PTX3: variants seen among roughly 807,000 people sequenced by gnomAD.
The protein encoded by PTX3 is pentraxin 3, also known as pentraxin-related protein PTX3.
Under a neutral mutation model 23.5 loss-of-function variants are expected in PTX3, and 24 were observed. That is an observed-to-expected ratio of 1.02 (90% CI 0.74 to 1.43). The LOEUF (loss-of-function observed/expected upper bound fraction) is 1.43. PTX3 is among the 40% of genes most tolerant of loss of function. The pLI is 0.00. For synonymous variants in PTX3, 218 were observed against 205.4 expected (o/e 1.06, Z -0.53); for missense variants, 510 against 497.5 (o/e 1.02, Z -0.24).
At chr3:157,437,203 G>A in intron 1 of PTX3, 140 bp downstream of exon 1, 1 of 1,189,902 alleles carries the variant, frequency 8.4e-7, no homozygotes, top group East Asian at 2.3e-5. Flanking sequence ...AGCACTTGAA[G>A]AAAGATGGAG....
chr3:157,441,441 T>G (rs1425714586), intron 2 of PTX3, among the ~76,000 whole-genome samples: 1 of 152,208 alleles, frequency 6.6e-6, no homozygotes. Flanking sequence ...TTATTATACA[T>G]TGTTGCCTTT....
chr3:157,438,035 GCGCACACACACACACACA>G (rs1733797579), intron 2 of PTX3, 121 bp downstream of exon 2: 2 of 701,928 alleles, frequency 2.8e-6, no homozygotes, highest in African/African-American at 5.9e-5. Flanking sequence ...GCGCGCGCGC[GCGCACACACACACACACA>G]CACACACACA....
At position 157,437,766 on chromosome 3, in the gene PTX3, C is replaced by G. The variant is rs1353093486; in HGVS notation, c.384C>G (p.Gly128=). 1.1e-5 allele frequency: 17 copies of G among 1,485,834 alleles called. No individual in the cohort carries two copies. The highest frequency in any genetic ancestry group is 1.4e-5 in the Non-Finnish European group (16 of 1,128,418). 92.0% of individuals were successfully genotyped at this position (1,485,834 alleles called of 1,614,324 possible). A position where few individuals can be genotyped will look rare whatever the true frequency, so the allele number is the denominator to read the frequency against. ...DELLQATRDA[G]RRLARMEGAE... is the part of the protein sequence containing the mutation. ...TGCTGCAGGCGACCCGCGACGCGGG[C>G]CGCAGGCTGGCGCGTATGGAGGGCG... Residue 128 remains glycine (G), a synonymous_variant, in exon 2 of 3, where the codon GGC becomes GGG. Coordinates refer to ENST00000295927, the MANE Select transcript of PTX3 (RefSeq NM_002852.4).
At chr3:157,438,005 G>T in intron 2 of PTX3, 91 bp downstream of exon 2, 2 of 1,435,122 alleles carry the variant, frequency 1.4e-6, no homozygotes, top group Non-Finnish European at 1.8e-6. Context: ...CCTTCTAGGG[G>T]AAGCTTTCAT....
At chr3:157,440,238 AG>A (rs1386961945) in intron 2 of PTX3, among the ~76,000 whole-genome samples, 2 of 152,252 alleles carry the variant, frequency 1.3e-5, no homozygotes, top group Non-Finnish European at 2.9e-5. Context: ...TTAGTGAAAA[AG>A]TATCAAAGCA....
At position 157,442,928 on chromosome 3, in the gene PTX3, G is replaced by A. The variant is rs1734254424; in HGVS notation, c.1095G>A (p.Gly365=). 2 of 1,613,928 alleles carry A rather than the reference G, an allele frequency of 1.2e-6. No homozygotes were observed. Among genetic ancestry groups the A allele is most frequent in the African/African-American group, 1.3e-5 (1 of 74,920 alleles). Residue 365 remains glycine (G), a synonymous_variant, in exon 3 of 3, where the codon GGG becomes GGA. Coordinates refer to ENST00000295927, the MANE Select transcript of PTX3 (RefSeq NM_002852.4). ...GTCACATCCGGGGGAATATTGTTGGGTGGGGAGTCACAGAGATCCAGCCAC... is the reference window on the plus strand; with the variant it reads ...GTCACATCCGGGGGAATATTGTTGGATGGGGAGTCACAGAGATCCAGCCAC... ...ESCHIRGNIV[G]WGVTEIQPHG...
chr3:157,440,647 C>A (rs1158580259), intron 2 of PTX3, among the ~76,000 whole-genome samples: 1 of 151,442 alleles, frequency 6.6e-6, no homozygotes, highest in African/African-American at 2.4e-5. Context: ...CATACATATC[C>A]ATATGTATAT....
chr3:157,437,615 A>G lies in PTX3; in HGVS notation c.233A>G (p.Asp78Gly). The G allele has an allele frequency of 6.4e-7, 1 of 1,565,414 alleles. No homozygotes were observed. The highest frequency in any genetic ancestry group is 8.6e-7 in the Non-Finnish European group (1 of 1,157,554). The change falls in exon 2 of 3, where the codon GAC (aspartate) becomes GGC (glycine). Residue 78 changes from aspartate to glycine, a missense_variant. Physicochemically the swap from Asp to Gly is moderately conservative, Grantham distance 94. Coordinates refer to ENST00000295927, the MANE Select transcript of PTX3 (RefSeq NM_002852.4). ...GAGCGCATGCTGCTGCAAGCCACGG[A>G]CGACGTCCTGCGGGGCGAGCTGCAG... ...MRERMLLQAT[D>G]DVLRGELQRL...
rs1189552530 is a variant in PTX3 at position 157,437,739 on chromosome 3, G to C, written c.357G>C (p.Glu119Asp). ...AEARLTSALD[E>D]LLQATRDAGR... ...CCAGGCTGACCAGTGCTCTGGACGA[G>C]CTGCTGCAGGCGACCCGCGACGCGG... The change falls in exon 2 of 3, where the codon GAG becomes GAC. Residue 119 changes from glutamate to aspartate, a missense_variant. Glu to Asp is a conservative substitution (Grantham distance 45, BLOSUM62 2). Coordinates refer to ENST00000295927, the MANE Select transcript of PTX3 (RefSeq NM_002852.4). 6.7e-7 allele frequency: 1 copy of C among 1,497,848 alleles called. No individual in the cohort carries two copies. The highest frequency in any genetic ancestry group is 2.2e-5 in the Admixed American group (1 of 44,446). 92.8% of individuals were successfully genotyped at this position (1,497,848 alleles called of 1,614,324 possible). A position where few individuals can be genotyped will look rare whatever the true frequency, so the allele number is the denominator to read the frequency against.
At chr3:157,440,557 T>C (rs1444608075) in intron 2 of PTX3, among the ~76,000 whole-genome samples, 1 of 152,118 alleles carries the variant, frequency 6.6e-6, no homozygotes, top group East Asian at 1.9e-4. Flanking sequence ...CTAATTTAGG[T>C]GTTTTTAAAA....
intron 2 of PTX3, among the ~76,000 whole-genome samples, chr3:157,439,829 C>A (rs903211422): frequency 6.6e-6 from 1 of 152,228 alleles, no homozygotes; most frequent in Non-Finnish European, 1.5e-5. Flanking sequence ...CGGCTCACTG[C>A]AAGCTCCGCC....
rs1420599191 is a variant in PTX3 at position 157,437,625 on chromosome 3, G to T, written c.243G>T (p.Leu81=). Residue 81 remains leucine, a synonymous_variant, in exon 2 of 3, where the codon CTG becomes CTT. Coordinates refer to ENST00000295927, the MANE Select transcript of PTX3 (RefSeq NM_002852.4). ...RMLLQATDDV[L]RGELQRLREE... ...TGCTGCAAGCCACGGACGACGTCCT[G>T]CGGGGCGAGCTGCAGAGGCTGCGGG... 1.3e-6 allele frequency: 2 copies of T among 1,557,932 alleles called. No individual in the cohort carries two copies. Among genetic ancestry groups the T allele is most frequent in the Non-Finnish European group, 8.7e-7 (1 of 1,153,716 alleles).
chr3:157,438,031 GCGCGCGCACACACA>G (rs1733791440), intron 2 of PTX3, 117 bp downstream of exon 2: 2 of 820,158 alleles, frequency 2.4e-6, no homozygotes, highest in African/African-American at 2.1e-5. Context: ...GCGCGCGCGC[GCGCGCGCACACACA>G]CACACACACA....
chr3:157,443,089 A>G lies in PTX3; in HGVS notation c.*110A>G. The G allele has an allele frequency of 7.7e-7, 1 of 1,295,634 alleles. No homozygotes were observed. The highest frequency in any genetic ancestry group is 1.0e-6 in the Non-Finnish European group (1 of 952,478). 80.3% of individuals were successfully genotyped at this position (1,295,634 alleles called of 1,614,324 possible). A position where few individuals can be genotyped will look rare whatever the true frequency, so the allele number is the denominator to read the frequency against. ...ATAATAGGAACACTTGAGACTAATG[A>G]AAGAGAGAGTTGAGACCAATCTTTA... On this transcript the variant is annotated 3_prime_UTR_variant, in exon 3 of 3. Transcript: ENST00000295927.
intron 2 of PTX3, among the ~76,000 whole-genome samples, chr3:157,441,346 T>C (rs1225349448): frequency 6.6e-6 from 1 of 152,266 alleles, no homozygotes; most frequent in Non-Finnish European, 1.5e-5. Context: ...CTATCTCTTA[T>C]GGTTGGCATA....
chr3:157,437,985 A>G, intron 2 of PTX3, 71 bp downstream of exon 2: 2 of 1,492,694 alleles, frequency 1.3e-6, no homozygotes, highest in Non-Finnish European at 1.8e-6. Flanking sequence ...CGGCAAGCCA[A>G]GCCAGGCAAC....
intron 2 of PTX3, among the ~76,000 whole-genome samples, chr3:157,438,246 G>A (rs774454892): frequency 3.3e-5 from 5 of 152,056 alleles, no homozygotes; most frequent in Non-Finnish European, 5.9e-5. Context: ...ACTAAGCGCT[G>A]CAGGAGTCCA....
intron 2 of PTX3, among the ~76,000 whole-genome samples, chr3:157,441,825 T>C (rs1437507290): frequency 3.5e-5 from 5 of 143,940 alleles, no homozygotes; most frequent in Non-Finnish European, 6.1e-5. Context: ...AAAAAAAAAA[T>C]GTATTCTGCA....
intron 1 of PTX3, 72 bp from the exon 2 acceptor site, chr3:157,437,441 G>A (rs1431375924): frequency 6.5e-7 from 1 of 1,537,198 alleles, no homozygotes; most frequent in African/African-American, 1.4e-5. Context: ...CACCGAGGGA[G>A]GTCAGCTTTT....
Sources: allele counts gnomAD v4.1 joint callset (sites outside exome capture counted in the v4.1 genomes callset), GRCh38; gene constraint gnomAD v4.1.1; transcripts MANE v1.5; gene names NCBI Gene and HGNC (gene_info 2026-07-23, HGNC 2026-07-21).